GRIA4: variants seen among roughly 807,000 people sequenced by gnomAD.
GRIA4 encodes the protein glutamate ionotropic receptor AMPA type subunit 4.
Under a neutral mutation model 104.0 loss-of-function variants are expected in GRIA4, and 34 were observed. The observed-to-expected ratio is 0.33, with a 90% CI of 0.25 to 0.44. GRIA4 has a LOEUF of 0.44. GRIA4 is among the 20% of genes least tolerant of loss of function. The pLI is 1.00. For synonymous variants in GRIA4, 386 were observed against 381.9 expected, an observed-to-expected ratio of 1.01 and a Z score of -0.13; for missense variants, 750 against 1,096.5, an observed-to-expected ratio of 0.68 and a Z score of 4.46.
chr11:105,688,103 C>CATATCT lies in GRIA4; in HGVS notation c.248-64829_248-64824dup, dbSNP rs749922258. On this transcript the variant is annotated intron_variant, in intron 3 of 16. Transcript: ENST00000282499. ...TCTCAAATATTCTCTCTCTCTGTCTCATATCTATATCTATATCTATATCTA... is the reference window on the plus strand; with the variant it reads ...TCTCAAATATTCTCTCTCTCTGTCTCATATCTATATCTATATCTATATCTATATCTA... Among the ~76,000 whole-genome samples, 309 of 129,636 alleles carry CATATCT rather than the reference C, an allele frequency of 2.4e-3. 3 individuals are homozygous for CATATCT. Among genetic ancestry groups the CATATCT allele is most frequent in the South Asian group, 6.1e-3 (24 of 3,932 alleles). 85.0% of individuals were successfully genotyped at this position (129,636 alleles called of 152,430 possible).
chr11:105,876,781 A>G (rs1945841636), intron 5 of GRIA4, among the ~76,000 whole-genome samples: 1 of 151,826 alleles, frequency 6.6e-6, no homozygotes, highest in South Asian at 2.1e-4. Context: ...ATCTTCCTCC[A>G]TCTCTTTATT....
At chr11:105,847,984 G>A (rs1325369556) in intron 4 of GRIA4, among the ~76,000 whole-genome samples, 1 of 152,072 alleles carries the variant, frequency 6.6e-6, no homozygotes, top group Non-Finnish European at 1.5e-5. Flanking sequence ...AGAATTTTGT[G>A]GAATTAACCA....
chr11:105,679,647 C>G (rs1407924107), intron 3 of GRIA4, among the ~76,000 whole-genome samples: 1 of 151,960 alleles, frequency 6.6e-6, no homozygotes, highest in Non-Finnish European at 1.5e-5. Flanking sequence ...GCAAATGCAT[C>G]TTATGTTATA....
chr11:105,789,313 G>A (rs1357230391), intron 4 of GRIA4, among the ~76,000 whole-genome samples: 2 of 152,170 alleles, frequency 1.3e-5, no homozygotes, highest in African/African-American at 4.8e-5. Context: ...ACTGAGGGTA[G>A]AGTCTCATCA....
At chr11:105,782,555 G>C (rs770323513) in intron 4 of GRIA4, among the ~76,000 whole-genome samples, 1 of 152,140 alleles carries the variant, frequency 6.6e-6, no homozygotes, top group Non-Finnish European at 1.5e-5. Context: ...CAGTTTTTAA[G>C]GTGGTTTTTT....
Position 105,933,764 on chromosome 11 carries a change from C to A in GRIA4, c.2089C>A (p.Arg697=). ...GTATGAAAAGATGTGGACCTACATGCGATCAGCAGAGCCATCAGTATTCAC... is the reference window on the plus strand; with the variant it reads ...GTATGAAAAGATGTGGACCTACATGAGATCAGCAGAGCCATCAGTATTCAC... ...AVYEKMWTYM[R]SAEPSVFTRT... The change falls in exon 14 of 17, where the codon CGA becomes AGA. Residue 697 remains arginine, a synonymous_variant. Transcript: ENST00000282499. 6.2e-7 allele frequency: 1 copy of A among 1,607,462 alleles called. No homozygotes were observed. Among genetic ancestry groups the A allele is most frequent in the East Asian group, 2.2e-5 (1 of 44,666 alleles).
chr11:105,885,460 A>G (rs970902554), intron 5 of GRIA4, among the ~76,000 whole-genome samples: 4 of 152,238 alleles, frequency 2.6e-5, no homozygotes, highest in African/African-American at 9.6e-5. Context: ...TTATAAATGC[A>G]TAGCTGAACT....
In GRIA4 at chr11:105,682,064, C is replaced by T. The variant is rs185695175; in HGVS notation, c.247+69630C>T. 4.6e-3 allele frequency among the ~76,000 whole-genome samples: 686 copies of T among 149,456 alleles called. 12 individuals carry two copies. The highest frequency in any genetic ancestry group is 0.016 in the African/African-American group (642 of 40,178). On this transcript the variant is annotated intron_variant, in intron 3 of 16. Transcript: ENST00000282499. ...AATATAATAATAATAATAATAATAACAATTTCATTGATTTCTGTTTTCTTG... is the reference window on the plus strand; with the variant it reads ...AATATAATAATAATAATAATAATAATAATTTCATTGATTTCTGTTTTCTTG...
At chr11:105,865,248 T>A (rs760286674) in intron 5 of GRIA4, among the ~76,000 whole-genome samples, 33 of 152,196 alleles carry the variant, frequency 2.2e-4, no homozygotes, top group Non-Finnish European at 4.0e-4. Context: ...CACTGAGTCA[T>A]TTAAGAGAGT....
At chr11:105,802,782 AC>A (rs928654757) in intron 4 of GRIA4, among the ~76,000 whole-genome samples, 3 of 151,472 alleles carry the variant, frequency 2.0e-5, no homozygotes, top group African/African-American at 7.3e-5. Flanking sequence ...ATTGAAAAAA[AC>A]AACATTTATT....
intron 4 of GRIA4, among the ~76,000 whole-genome samples, chr11:105,798,101 TACAC>T (rs909085323): frequency 6.6e-6 from 1 of 151,208 alleles, no homozygotes; most frequent in African/African-American, 2.4e-5. Context: ...CACACACACA[TACAC>T]ACACACACAT....
rs899216972 is a variant in GRIA4, at chr11:105,694,184, C to G, written c.248-58797C>G. On this transcript the variant is annotated intron_variant, in intron 3 of 16. Transcript: ENST00000282499. ...TTTTTTTTTTAGATGGAGTCTCACTCTGTCATTCAGGCTGGAGTGCAGTGG... is the reference window on the plus strand; with the variant it reads ...TTTTTTTTTTAGATGGAGTCTCACTGTGTCATTCAGGCTGGAGTGCAGTGG... Among the ~76,000 whole-genome samples the G allele has an allele frequency of 3.3e-5, 5 of 150,438 alleles. No homozygotes were observed. In the East Asian group the frequency reaches 9.8e-4, roughly 29 times the overall value.
intron 4 of GRIA4, among the ~76,000 whole-genome samples, chr11:105,765,709 A>G (rs1393053363): frequency 6.6e-6 from 1 of 152,190 alleles, no homozygotes; most frequent in Non-Finnish European, 1.5e-5. Context: ...TTTTATTGAA[A>G]CAGAGCCATG....
intron 3 of GRIA4, among the ~76,000 whole-genome samples, chr11:105,668,265 C>T (rs1287149018): frequency 4.3e-5 from 4 of 92,172 alleles, no homozygotes; most frequent in Non-Finnish European, 7.3e-5. Context: ...ATATATTCGA[C>T]ATTTTCTAAG....
chr11:105,744,931 CA>C (rs1333479011), intron 3 of GRIA4, among the ~76,000 whole-genome samples: 2 of 152,070 alleles, frequency 1.3e-5, no homozygotes, highest in African/African-American at 4.8e-5. Flanking sequence ...TAACATTTTC[CA>C]GCTGCAGGTT....
chr11:105,920,508 C>T (rs2136187738), intron 11 of GRIA4, among the ~76,000 whole-genome samples: 1 of 152,218 alleles, frequency 6.6e-6, no homozygotes, highest in South Asian at 2.1e-4. Context: ...CTTTCTGAGG[C>T]ATTTGTCATA....
At chr11:105,969,285 A>G (rs749179766) in intron 14 of GRIA4, among the ~76,000 whole-genome samples, 19 of 152,202 alleles carry the variant, frequency 1.2e-4, no homozygotes, top group Non-Finnish European at 1.3e-4. Flanking sequence ...GCAGGAAAAA[A>G]TGGAAAGGAA....
chr11:105,655,142 G>A (rs1262537845), intron 3 of GRIA4, among the ~76,000 whole-genome samples: 1 of 151,898 alleles, frequency 6.6e-6, no homozygotes, highest in African/African-American at 2.4e-5. Context: ...CATTTCCCTT[G>A]CAACACAGTT....
rs1946952135 is a variant in GRIA4, at chr11:105,903,912, T to C, written c.984T>C (p.Ala328=). Residue 328 remains alanine (A), a synonymous_variant, in exon 8 of 17, where the codon GCT becomes GCC. Coordinates refer to ENST00000282499, the MANE Select transcript of GRIA4 (RefSeq NM_000829.4). ...TTGATATCTCAAGGAGAGGAAATGC[T>C]GGGGATTGTCTGGCAAATCCTGCTG... The part of the protein sequence containing the change: ...QKIDISRRGN[A]GDCLANPAAP... The C allele has an allele frequency of 1.2e-6, 2 of 1,613,562 alleles. No individual in the cohort carries two copies.
Sources: gnomAD v4.1 joint callset for allele counts (sites outside exome capture counted in the v4.1 genomes callset) on GRCh38, gnomAD v4.1.1 for gene constraint, MANE v1.5 for transcripts, NCBI Gene and HGNC (gene_info 2026-07-23, HGNC 2026-07-21) for gene names.